Variants in PCDHA9 observed in about 807,000 individuals in gnomAD.
PCDHA9 encodes the protein protocadherin alpha-9.
Under a neutral mutation model 62.0 loss-of-function variants are expected in PCDHA9, and 62 were observed. That is an observed-to-expected ratio of 1.00 (90% confidence interval 0.81 to 1.23). The LOEUF is 1.23. Among genes scored for constraint, PCDHA9 ranks in the 50% most tolerant of loss-of-function variants. The pLI, the probability that PCDHA9 is intolerant of heterozygous loss-of-function variation, is 0.00. For synonymous variants in PCDHA9, 557 were observed against 567.6 expected (o/e 0.98, Z 0.27); for missense variants, 1,205 against 1,249.8 (o/e 0.96, Z 0.54).
rs148357054 is a variant in PCDHA9, at chr5:140,862,194, A to G, written c.2394+11305A>G. On this transcript the variant is annotated intron_variant, in intron 1 of 3. Coordinates refer to ENST00000532602, the MANE Select transcript of PCDHA9 (RefSeq NM_031857.2). ...GGCAGTTGACACAGGCAATTCCCCA[A>G]TGTTTGATCACTGCACAGACTTGAT... The G allele has an allele frequency of 5.4e-3, 909 of 167,816 alleles. 8 individuals are homozygous for G. The highest frequency in any genetic ancestry group is 8.4e-3 in the South Asian group (55 of 6,516). The allele number at this position is 167,816 out of a possible 1,614,324, so 10.4% of individuals were successfully genotyped here.
At chr5:140,993,668 A>G (rs551356894) in intron 3 of PCDHA9, among the ~76,000 whole-genome samples, 167 of 152,322 alleles carry the variant, frequency 1.1e-3, no homozygotes, top group African/African-American at 3.4e-3. Context: ...ACAATGGACC[A>G]CATATGTGAC....
At chr5:140,961,690 C>T (rs573918307) in intron 1 of PCDHA9, among the ~76,000 whole-genome samples, 2 of 152,154 alleles carry the variant, frequency 1.3e-5, no homozygotes, top group African/African-American at 4.8e-5. Context: ...CGGAGTAGTC[C>T]TTAGTATGAA....
At chr5:140,924,550 C>T (rs2081897316) in intron 1 of PCDHA9, among the ~76,000 whole-genome samples, 1 of 152,096 alleles carries the variant, frequency 6.6e-6, no homozygotes, top group Non-Finnish European at 1.5e-5. Context: ...CTCTCCCCAC[C>T]ATTTTAATCA....
intron 1 of PCDHA9, chr5:140,866,269 TAAAG>T (rs2049248752): frequency 2.6e-5 from 4 of 152,174 alleles, no homozygotes; most frequent in Admixed American, 2.6e-4. Context: ...TTACTGTGAA[TAAAG>T]ACAGTGTTTG....
intron 1 of PCDHA9, chr5:140,870,456 G>T (rs782212198): frequency 6.2e-7 from 1 of 1,614,230 alleles, no homozygotes. Context: ...ACGACAATGC[G>T]CCTGCGTTCG....
chr5:140,948,468 CT>C (rs1173060430), intron 1 of PCDHA9, among the ~76,000 whole-genome samples: 1 of 151,468 alleles, frequency 6.6e-6, no homozygotes, highest in African/African-American at 2.4e-5. Flanking sequence ...GGGAAAGTTT[CT>C]GATAATAAAT....
chr5:140,960,438 T>C (rs1403944664), intron 1 of PCDHA9, among the ~76,000 whole-genome samples: 4 of 152,180 alleles, frequency 2.6e-5, no homozygotes, highest in African/African-American at 9.7e-5. Context: ...ATACTCTAGA[T>C]ATATGTATGG....
At chr5:140,882,607 T>C (rs1313419888) in intron 1 of PCDHA9, 35 of 1,614,242 alleles carry the variant, frequency 2.2e-5, no homozygotes, top group Non-Finnish European at 3.0e-5. Flanking sequence ...TGGACAGGCC[T>C]CTGCAGGTTT....
At chr5:140,915,710 C>T (rs2077269471) in intron 1 of PCDHA9, among the ~76,000 whole-genome samples, 1 of 151,918 alleles carries the variant, frequency 6.6e-6, no homozygotes, top group South Asian at 2.1e-4. Flanking sequence ...ACTCCTGTGG[C>T]CCCCACTTTG....
In PCDHA9 at chr5:140,849,485, G is replaced by A; in HGVS notation, c.990G>A (p.Leu330=). Residue 330 remains leucine, a synonymous_variant, in exon 1 of 4, where the codon CTG becomes CTA. Transcript: ENST00000532602. The part of the protein sequence containing the change: ...VEAVDKGFPP[L]AGHCTLLVEV... ...CTGTCGATAAAGGCTTCCCACCCCT[G>A]GCTGGTCATTGTACACTTCTTGTGG... The A allele has an allele frequency of 6.3e-7, 1 of 1,590,948 alleles. No individual in the cohort carries two copies. Among genetic ancestry groups the A allele is most frequent in the African/African-American group, 1.4e-5 (1 of 73,208 alleles).
intron 1 of PCDHA9, among the ~76,000 whole-genome samples, chr5:140,954,220 T>C (rs782685715): frequency 2.0e-5 from 3 of 152,240 alleles, no homozygotes; most frequent in African/African-American, 4.8e-5. Context: ...GTTTTTGCTA[T>C]TGTGAATAGT....
At chr5:141,005,479 G>A (rs371636060) in intron 3 of PCDHA9, among the ~76,000 whole-genome samples, 43 of 151,818 alleles carry the variant, frequency 2.8e-4, no homozygotes, top group Non-Finnish European at 2.6e-4. Context: ...CGAGACGGGC[G>A]GATCATGAGG....
intron 1 of PCDHA9, chr5:140,929,631 A>G (rs1584645197): frequency 2.6e-6 from 1 of 386,808 alleles, no homozygotes; most frequent in Non-Finnish European, 4.7e-6. Flanking sequence ...TTTATAAGCA[A>G]CAGATGTGTA....
chr5:140,871,234 G>T (rs1554165295), intron 1 of PCDHA9: 3 of 1,613,844 alleles, frequency 1.9e-6, no homozygotes, highest in Non-Finnish European at 2.5e-6. Flanking sequence ...CAGCCTCCTG[G>T]TACTCACGCT....
chr5:140,927,171 C>G (rs1554204119), intron 1 of PCDHA9: 5 of 1,614,164 alleles, frequency 3.1e-6, no homozygotes. Context: ...AAGCTGCCTG[C>G]GTCTTGACCT....
chr5:140,884,654 T>C, intron 1 of PCDHA9: 1 of 1,602,858 alleles, frequency 6.2e-7, no homozygotes, highest in South Asian at 1.1e-5. Context: ...CTCAGAATGC[T>C]TGAAAGAGGT....
chr5:140,869,396 A>C (rs782754440), intron 1 of PCDHA9: 18 of 1,614,242 alleles, frequency 1.1e-5, no homozygotes, highest in East Asian at 2.2e-5. Flanking sequence ...CTGTGCGGGC[A>C]GAGCGCGGAG....
chr5:140,885,207 T>C (rs1405388039), intron 1 of PCDHA9, among the ~76,000 whole-genome samples: 1 of 152,140 alleles, frequency 6.6e-6, no homozygotes, highest in Admixed American at 6.5e-5. Context: ...ATATATCCCA[T>C]GAAAAATATC....
chr5:140,971,537 G>T (rs1414023721), intron 1 of PCDHA9, among the ~76,000 whole-genome samples: 1 of 152,136 alleles, frequency 6.6e-6, no homozygotes, highest in Non-Finnish European at 1.5e-5. Flanking sequence ...AGTCATCATT[G>T]CCAGATCAAC....
Sources: allele counts gnomAD v4.1 joint callset (sites outside exome capture counted in the v4.1 genomes callset), GRCh38; gene constraint gnomAD v4.1.1; transcripts MANE v1.5; gene names NCBI Gene and HGNC (gene_info 2026-07-23, HGNC 2026-07-21).